UNC13C: variants seen among roughly 807,000 people sequenced by gnomAD.
UNC13C encodes unc-13 homolog C, also known as protein unc-13 homolog C.
UNC13C carries 174 observed loss-of-function variants against 245.4 expected under a neutral mutation model. That is an observed-to-expected ratio of 0.71 (90% CI 0.63 to 0.80). UNC13C has a LOEUF of 0.80. Ranked by LOEUF, UNC13C falls within the 30% of genes least tolerant of loss-of-function variation. The pLI is 0.00. For missense variants in UNC13C, 2,829 were observed against 2,602.9 expected (o/e 1.09, Z -1.89); for synonymous variants, 992 against 895.1 (o/e 1.11, Z -1.93).
At chr15:54,289,596 T>G (rs748212769) in intron 10 of UNC13C, among the ~76,000 whole-genome samples, 9 of 152,076 alleles carry the variant, frequency 5.9e-5, no homozygotes, top group Non-Finnish European at 1.3e-4. Context: ...TTGGTTAGTT[T>G]AGGCTGAGAG....
intron 4 of UNC13C, among the ~76,000 whole-genome samples, chr15:54,201,352 A>T (rs2034515451): frequency 6.6e-6 from 1 of 152,032 alleles, no homozygotes; most frequent in Admixed American, 6.6e-5. Context: ...CCAGGACAGG[A>T]CATATCAAAA....
chr15:54,114,498 T>C (rs1373707984), intron 2 of UNC13C, among the ~76,000 whole-genome samples: 4 of 152,188 alleles, frequency 2.6e-5, no homozygotes, highest in African/African-American at 9.7e-5. Flanking sequence ...CCATTTTAGA[T>C]TTTTGAAAAC....
intron 2 of UNC13C, among the ~76,000 whole-genome samples, chr15:54,083,297 G>A (rs916262078): frequency 1.3e-5 from 2 of 152,138 alleles, no homozygotes; most frequent in Non-Finnish European, 2.9e-5. Context: ...ACCTTTGGAT[G>A]TGGCTATGGC....
chr15:54,213,109 A>G (rs2034936481), intron 4 of UNC13C, among the ~76,000 whole-genome samples: 1 of 151,956 alleles, frequency 6.6e-6, no homozygotes, highest in Non-Finnish European at 1.5e-5. Flanking sequence ...ATTACTCAAG[A>G]CCTTCAAATG....
intron 1 of UNC13C, among the ~76,000 whole-genome samples, chr15:54,003,088 G>C (rs753077214): frequency 2.0e-5 from 3 of 152,078 alleles, no homozygotes; most frequent in Non-Finnish European, 4.4e-5. Flanking sequence ...TCTGAAGGCC[G>C]CAATTTTTGT....
chr15:53,854,578 C>G, the UNC13C span, among the ~76,000 whole-genome samples: 207 of 152,168 alleles, frequency 1.4e-3, no homozygotes, highest in African/African-American at 4.7e-3. Context: ...TTGTTTTTGT[C>G]CGGTTTGTCA....
At chr15:54,368,698 C>G (rs191184343) in intron 17 of UNC13C, among the ~76,000 whole-genome samples, 151 of 152,214 alleles carry the variant, frequency 9.9e-4, no homozygotes, top group Non-Finnish European at 1.9e-3. Flanking sequence ...TGAGTATCTG[C>G]TATATGACTG....
intron 26 of UNC13C, among the ~76,000 whole-genome samples, chr15:54,541,782 A>G (rs73403809): frequency 0.024 from 3,632 of 152,236 alleles, 149 homozygotes; most frequent in African/African-American, 0.083. Flanking sequence ...TTACATCATT[A>G]TGTCACCATG....
At chr15:54,428,584 C>G (rs2040804649) in intron 19 of UNC13C, among the ~76,000 whole-genome samples, 2 of 151,516 alleles carry the variant, frequency 1.3e-5, no homozygotes, top group African/African-American at 2.4e-5. Context: ...CCACCTTAGA[C>G]TGTAAGCTCT....
the UNC13C span, chr15:53,910,871 C>G: frequency 8.2e-6 from 1 of 122,592 alleles, no homozygotes; most frequent in Middle Eastern, 4.0e-3. Context: ...CTCAACATGA[C>G]CTTTGGCGTA....
chr15:54,587,615 G>A (rs1898562928), intron 30 of UNC13C, among the ~76,000 whole-genome samples: 1 of 152,136 alleles, frequency 6.6e-6, no homozygotes, highest in Admixed American at 6.5e-5. Flanking sequence ...TCTGTTGGTA[G>A]AGTGGATTTT....
At chr15:54,441,208 G>A (rs1297716303) in intron 19 of UNC13C, among the ~76,000 whole-genome samples, 1 of 151,790 alleles carries the variant, frequency 6.6e-6, no homozygotes, top group Non-Finnish European at 1.5e-5. Context: ...TATTGCTTGT[G>A]CTTTTGAGGT....
rs57209912 is a variant in UNC13C, at chr15:54,086,737, CTTT to C, written c.2984-56265_2984-56263del. On this transcript the variant is annotated intron_variant, in intron 2 of 32. Transcript: ENST00000260323. ...GTACTATGTGTTGCTTATTTTCTTT[CTTT>C]TTTTTTTTTTTTTTTGAGATGGACT... Among the ~76,000 whole-genome samples the C allele has an allele frequency of 3.6e-4, 33 of 92,036 alleles. 1 individual carries two copies. The highest frequency in any genetic ancestry group is 1.0e-3 in the African/African-American group (28 of 26,698). The allele number at this position is 92,036 out of a possible 152,430, so 60.4% of individuals were successfully genotyped here.
chr15:53,944,437 G>A, the UNC13C span, among the ~76,000 whole-genome samples: 3 of 151,978 alleles, frequency 2.0e-5, no homozygotes, highest in Admixed American at 6.6e-5. Context: ...GGCCCTTGTC[G>A]TTCTGTTGTT....
intron 2 of UNC13C, among the ~76,000 whole-genome samples, chr15:54,140,884 C>T (rs1353755775): frequency 3.9e-5 from 6 of 152,058 alleles, no homozygotes; most frequent in African/African-American, 1.4e-4. Context: ...AAGAATACAG[C>T]AGGGAGACAA....
intron 4 of UNC13C, among the ~76,000 whole-genome samples, chr15:54,148,407 CAGTT>C (rs1418572838): frequency 6.6e-6 from 1 of 152,170 alleles, no homozygotes; most frequent in African/African-American, 2.4e-5. Context: ...AACTCAATGT[CAGTT>C]AGGTTCAACA....
At chr15:54,600,160 G>A (rs1206688004) in intron 30 of UNC13C, among the ~76,000 whole-genome samples, 1 of 152,054 alleles carries the variant, frequency 6.6e-6, no homozygotes, top group African/African-American at 2.4e-5. Flanking sequence ...TAATAAATAA[G>A]TATGGGACAG....
At chr15:53,869,115 CATAA>C in the UNC13C span, among the ~76,000 whole-genome samples, 1 of 152,110 alleles carries the variant, frequency 6.6e-6, no homozygotes, top group Non-Finnish European at 1.5e-5. Flanking sequence ...AAAAAAAAGT[CATAA>C]ATACAGAAAG....
chr15:53,922,448 G>A, the UNC13C span, among the ~76,000 whole-genome samples: 1 of 152,172 alleles, frequency 6.6e-6, no homozygotes, highest in Non-Finnish European at 1.5e-5. Flanking sequence ...GCCAATGGGG[G>A]CAAATGGCTA....
Sources: allele counts gnomAD v4.1 joint callset (sites outside exome capture counted in the v4.1 genomes callset), GRCh38; gene constraint gnomAD v4.1.1; transcripts MANE v1.5; gene names NCBI Gene and HGNC (gene_info 2026-07-23, HGNC 2026-07-21).